Variants in KRT6B observed in about 807,000 individuals in gnomAD.
KRT6B encodes keratin 6B.
A neutral mutation model predicts 44.7 loss-of-function variants in KRT6B; 29 were observed. That is an observed-to-expected ratio of 0.65 (90% confidence interval 0.48 to 0.88). The LOEUF (loss-of-function observed/expected upper bound fraction) is 0.88, where lower values mean the gene tolerates loss of function less well. Among genes scored for constraint, KRT6B ranks in the 40% least tolerant of loss-of-function variants. The pLI, the probability that KRT6B is intolerant of heterozygous loss-of-function variation, is 0.00. For synonymous variants in KRT6B, 213 were observed against 296.0 expected (o/e 0.72, Z 2.88); for missense variants, 600 against 724.0 (o/e 0.83, Z 1.97).
chr12:52,452,031 C>T lies in KRT6B; in HGVS notation c.48G>A (p.Arg16=), dbSNP rs780182784. 2 of 1,614,014 alleles carry T rather than the reference C, an allele frequency of 1.2e-6. No homozygotes were observed. The highest frequency in any genetic ancestry group is 1.7e-6 in the Non-Finnish European group (2 of 1,179,936). ...GCCTGGCTGAGTTGGCACTGAAACC[C>T]CGGCGGCTGCTGCTGTGGCTCCTGA... The part of the protein sequence containing the change: ...TTIRSHSSSR[R]GFSANSARLP... The change falls in exon 1 of 9, where the codon CGG becomes CGA. Residue 16 remains arginine (R), a synonymous_variant. Transcript: ENST00000252252.
intron 6 of KRT6B, among the ~76,000 whole-genome samples, 180 bp from the exon 7 acceptor site, chr12:52,448,178 A>G (rs113467430): frequency 2.2e-4 from 33 of 152,302 alleles, no homozygotes; most frequent in African/African-American, 7.5e-4. Context: ...GAGTCACATG[A>G]TAAAATCCTG....
Position 52,449,574 on chromosome 12 carries a change from G to A in KRT6B, c.972C>T (p.Asn324=). 2.5e-6 allele frequency: 4 copies of A among 1,614,240 alleles called. No individual in the cohort carries two copies. Among genetic ancestry groups the A allele is most frequent in the Middle Eastern group, 3.3e-4 (2 of 6,062 alleles). Residue 324 remains asparagine (N), a synonymous_variant, in exon 5 of 9, where the codon AAC becomes AAT. Coordinates refer to ENST00000252252, the MANE Select transcript of KRT6B (RefSeq NM_005555.4). ...SDTSVVLSMD[N]NRNLDLDSII... is the part of the protein sequence containing the mutation. ...TGCTGTCCAGGTCCAGGTTGCGGTTGTTGTCCATGGATAGCACCACGGATG... is the reference window on the plus strand; with the variant it reads ...TGCTGTCCAGGTCCAGGTTGCGGTTATTGTCCATGGATAGCACCACGGATG...
chr12:52,449,569 C>T lies in KRT6B; in HGVS notation c.977G>A (p.Arg326His), dbSNP rs781162204. ...TSVVLSMDNN[R>H]NLDLDSIIAE... ...GATGATGCTGTCCAGGTCCAGGTTG[C>T]GGTTGTTGTCCATGGATAGCACCAC... Residue 326 changes from arginine to histidine, a missense_variant, in exon 5 of 9, where the codon CGC (arginine) becomes CAC (histidine). By Grantham distance (29) the Arg-to-His change is conservative. Around this residue, in one of 4 missense-constraint regions of KRT6B, gnomAD observed 479 missense variants for 454.2 expected, o/e 1.05. Coordinates refer to ENST00000252252, the MANE Select transcript of KRT6B (RefSeq NM_005555.4). 1.9e-5 allele frequency: 31 copies of T among 1,614,050 alleles called. No homozygotes were observed. The highest frequency in any genetic ancestry group is 8.9e-5 in the East Asian group (4 of 44,894).
rs1275296229 is a variant in KRT6B, at chr12:52,447,038, G to A, written c.*152C>T. On this transcript the variant is annotated 3_prime_UTR_variant, in exon 9 of 9. Coordinates refer to ENST00000252252, the MANE Select transcript of KRT6B (RefSeq NM_005555.4). ...TAAGCAACAGGAGCTCAGTGGAACA[G>A]GTATTGATGAGAAGAAAAGTGAGGG... 1.3e-5 allele frequency: 11 copies of A among 875,592 alleles called. No homozygotes were observed. The highest frequency in any genetic ancestry group is 1.8e-5 in the Non-Finnish European group (10 of 569,630). 54.2% of individuals were successfully genotyped at this position (875,592 alleles called of 1,614,324 possible). A position where few individuals can be genotyped will look rare whatever the true frequency, so the allele number is the denominator to read the frequency against.
chr12:52,450,522 C>A lies in KRT6B; in HGVS notation c.639G>T (p.Leu213Phe). Residue 213 changes from leucine to phenylalanine, a missense_variant, in exon 2 of 9, where the codon TTG becomes TTT. Physicochemically the swap from Leu to Phe is conservative, Grantham distance 22. Transcript: ENST00000252252. ...TKTVRQNLEP[L>F]FEQYINNLRR... ...TGAGGTTGTTGATGTACTGCTCGAA[C>A]AACGGCTCCAGGTTCTGCCTCACAG... The A allele has an allele frequency of 6.2e-7, 1 of 1,614,258 alleles. No homozygotes were observed. The highest frequency in any genetic ancestry group is 2.2e-5 in the East Asian group (1 of 44,894).
At chr12:52,449,710 C>T in intron 4 of KRT6B, 48 bp downstream of exon 4, 1 of 1,614,162 alleles carries the variant, frequency 6.2e-7, no homozygotes, top group African/African-American at 1.3e-5. Context: ...ATCTTCTCCC[C>T]TTTGCAGACC....
rs757970006 is a variant in KRT6B, at chr12:52,449,482, C to A, written c.1064G>T (p.Trp355Leu). The change falls in exon 5 of 9, where the codon TGG (tryptophan) becomes TTG (leucine). Residue 355 changes from tryptophan to leucine, a missense_variant. By Grantham distance (61) the Trp-to-Leu change is moderately conservative. This residue lies in a region of KRT6B where 479 missense variants were observed against 454.2 expected (regional missense o/e 1.05). Coordinates refer to ENST00000252252, the MANE Select transcript of KRT6B (RefSeq NM_005555.4). ...AQRSRAEAES[W>L]YQTKYEELQI... ...CTCCGTGCTCACCTTTGTCTGGTAC[C>A]AGGACTCAGCCTCAGCCCTGCTCCT... is the stretch of plus-strand genomic sequence containing the variant. The A allele has an allele frequency of 6.2e-7, 1 of 1,614,038 alleles. No homozygotes were observed. The highest frequency in any genetic ancestry group is 1.3e-5 in the African/African-American group (1 of 74,914).
chr12:52,449,597 A>C lies in KRT6B; in HGVS notation c.949T>G (p.Ser317Ala), dbSNP rs566062730. Residue 317 changes from serine to alanine, a missense_variant, in exon 5 of 9, where the codon TCC (serine) becomes GCC (alanine). Around this residue, in one of 4 missense-constraint regions of KRT6B, gnomAD observed 479 missense variants for 454.2 expected, o/e 1.05. Coordinates refer to ENST00000252252, the MANE Select transcript of KRT6B (RefSeq NM_005555.4). ...TTGTTGTCCATGGATAGCACCACGG[A>C]TGTGTCTGAGATGTGGGTCTGCATC... ...SQMQTHISDTSVVLSMDNNRN... is the reference protein window; with the variant it reads ...SQMQTHISDTAVVLSMDNNRN... 64 of 1,614,172 alleles carry C rather than the reference A, an allele frequency of 4.0e-5. No individual in the cohort carries two copies. In the East Asian group the frequency reaches 1.4e-3, roughly 36 times the overall value.
At chr12:52,449,672 A>G (rs763367321) in intron 4 of KRT6B, 39 bp from the exon 5 acceptor site, 5 of 1,614,098 alleles carry the variant, frequency 3.1e-6, no homozygotes, top group Non-Finnish European at 4.2e-6. Flanking sequence ...TTCACTTCTG[A>G]CATTTACAGA....
intron 1 of KRT6B, among the ~76,000 whole-genome samples, chr12:52,450,849 A>G (rs1940392597): frequency 6.6e-6 from 1 of 152,262 alleles, no homozygotes; most frequent in Admixed American, 6.5e-5. Context: ...ACTGTAAGCT[A>G]TTGATCATCA....
At chr12:52,447,732 T>A in intron 7 of KRT6B, 46 bp downstream of exon 7, 3 of 1,614,162 alleles carry the variant, frequency 1.9e-6, no homozygotes, top group Non-Finnish European at 2.5e-6. Flanking sequence ...TGCCAGAACC[T>A]TGAAGATGGA....
chr12:52,449,898 C>T (rs776295408), intron 3 of KRT6B, 45 bp from the exon 4 acceptor site: 1 of 1,613,792 alleles, frequency 6.2e-7, no homozygotes, highest in Non-Finnish European at 8.5e-7. Flanking sequence ...GCTCACCTTT[C>T]CAATCTACCC....
At position 52,449,556 on chromosome 12, in the gene KRT6B, C is replaced by T. The variant is rs1940364347; in HGVS notation, c.990G>A (p.Leu330=). The change falls in exon 5 of 9, where the codon CTG becomes CTA. Residue 330 remains leucine (L), a synonymous_variant. Coordinates refer to ENST00000252252, the MANE Select transcript of KRT6B (RefSeq NM_005555.4). ...LSMDNNRNLD[L]DSIIAEVKAQ... is the part of the protein sequence containing the mutation. Reference sequence around the variant, plus strand: ...CCTTGACCTCAGCGATGATGCTGTCCAGGTCCAGGTTGCGGTTGTTGTCCA... The same window carrying T: ...CCTTGACCTCAGCGATGATGCTGTCTAGGTCCAGGTTGCGGTTGTTGTCCA... The T allele has an allele frequency of 1.2e-6, 2 of 1,614,158 alleles. No individual in the cohort carries two copies. The highest frequency in any genetic ancestry group is 2.2e-5 in the East Asian group (1 of 44,882).
At chr12:52,449,040 A>G (rs1222943359) in intron 5 of KRT6B, 73 bp from the exon 6 acceptor site, 4 of 1,543,236 alleles carry the variant, frequency 2.6e-6, no homozygotes, top group South Asian at 1.1e-5. Context: ...TCACTTGTGT[A>G]TCATGAATGT....
chr12:52,448,927 T>A lies in KRT6B; in HGVS notation c.1118A>T (p.Asp373Val), dbSNP rs781494966. 4 of 1,613,742 alleles carry A rather than the reference T, an allele frequency of 2.5e-6. No individual in the cohort carries two copies. Among genetic ancestry groups the A allele is most frequent in the Non-Finnish European group, 3.4e-6 (4 of 1,179,850 alleles). Residue 373 changes from aspartate to valine, a missense_variant, in exon 6 of 9, where the codon GAC becomes GTC. Transcript: ENST00000252252. ...AATCTCCTGCTTGGTGTTGCGCAGG[T>A]CGTCCCCATGTCTGCCTGCTGTGAT... ...LQITAGRHGDDLRNTKQEIAE... is the reference protein window; with the variant it reads ...LQITAGRHGDVLRNTKQEIAE...
chr12:52,448,831 C>T lies in KRT6B; in HGVS notation c.1203+11G>A, dbSNP rs758471569. 1.2e-5 allele frequency: 19 copies of T among 1,614,146 alleles called. No individual in the cohort carries two copies. In the East Asian group the frequency reaches 4.2e-4, roughly 36 times the overall value. On this transcript the variant is annotated intron_variant, in intron 6 of 8. Coordinates refer to ENST00000252252, the MANE Select transcript of KRT6B (RefSeq NM_005555.4). ...AATGATGCTTTTCTCCTCCATTGCC[C>T]CTCACCATACCTGCTTCTTGACGTG...
chr12:52,449,950 G>A lies in KRT6B; in HGVS notation c.816+62C>T, dbSNP rs186882739. The A allele has an allele frequency of 7.8e-4, 1,257 of 1,613,834 alleles. 2 individuals are homozygous for A. The African/African-American group carries it at 0.013, about 17-fold the overall frequency. ...GCCAATTCTCCTCTCCCAGGGGAGC[G>A]AGGACACAGAGCCACTTCTCTCCTT... is the stretch of plus-strand genomic sequence containing the variant. On this transcript the variant is annotated intron_variant, in intron 3 of 8. Transcript: ENST00000252252.
At chr12:52,449,371 AGCT>A in intron 5 of KRT6B, 95 bp downstream of exon 5, 1 of 1,554,204 alleles carries the variant, frequency 6.4e-7, no homozygotes, top group South Asian at 1.1e-5. Flanking sequence ...AGAGGACCCC[AGCT>A]TCCTGTCAGG....
chr12:52,448,794 C>T lies in KRT6B; in HGVS notation c.1203+48G>A, dbSNP rs1345896438. The stretch of plus-strand genomic sequence containing the variant: ...ATGATGGGTGACTACTGCCTCATGA[C>T]CTAATAAAAAAAATGATGCTTTTCT... On this transcript the variant is annotated intron_variant, in intron 6 of 8. Coordinates refer to ENST00000252252, the MANE Select transcript of KRT6B (RefSeq NM_005555.4). 4 of 1,613,796 alleles carry T rather than the reference C, an allele frequency of 2.5e-6. No individual in the cohort carries two copies. In the Admixed American group the frequency reaches 5.0e-5, roughly 20 times the overall value.
Sources: allele counts gnomAD v4.1 joint callset (sites outside exome capture counted in the v4.1 genomes callset), GRCh38; gene constraint gnomAD v4.1.1; regional missense constraint gnomAD v4.1.1; transcripts MANE v1.5; gene names NCBI Gene and HGNC (gene_info 2026-07-23, HGNC 2026-07-21).